RAP1GDS1: variants seen among roughly 807,000 people sequenced by gnomAD.
RAP1GDS1 encodes the protein RAP1, GTP-GDP dissociation stimulator 1.
RAP1GDS1 carries 35 observed loss-of-function variants against 71.1 expected under a neutral mutation model. The observed-to-expected ratio is 0.49, with a 90% CI of 0.38 to 0.65. The LOEUF (loss-of-function observed/expected upper bound fraction) is 0.65. Ranked by LOEUF, RAP1GDS1 falls within the 30% of genes least tolerant of loss-of-function variation. The probability of loss-of-function intolerance (pLI) is 0.00; values close to 1 mark genes in which losing one functional copy is unlikely to be tolerated. For synonymous variants in RAP1GDS1, 229 were observed against 243.1 expected, an observed-to-expected ratio of 0.94 and a Z score of 0.54; for missense variants, 663 against 706.1, an observed-to-expected ratio of 0.94 and a Z score of 0.69.
chr4:98,400,254 T>G (rs1745180144), intron 6 of RAP1GDS1, among the ~76,000 whole-genome samples: 1 of 151,950 alleles, frequency 6.6e-6, no homozygotes, highest in African/African-American at 2.4e-5. Context: ...GAAGAAACAT[T>G]ACACACCCAT....
At chr4:98,437,204 T>C in intron 14 of RAP1GDS1, 136 bp downstream of exon 14, 2 of 886,456 alleles carry the variant, frequency 2.3e-6, no homozygotes, top group Non-Finnish European at 1.6e-6. Context: ...AGATAACTTT[T>C]TTCCCCTATT....
intron 4 of RAP1GDS1, among the ~76,000 whole-genome samples, chr4:98,356,029 T>C (rs1260667311): frequency 6.6e-6 from 1 of 152,188 alleles, no homozygotes; most frequent in Non-Finnish European, 1.5e-5. Context: ...CCGAACAGAC[T>C]TCTGATATAA....
At chr4:98,288,390 C>T (rs1005577075) in intron 1 of RAP1GDS1, among the ~76,000 whole-genome samples, 20 of 152,252 alleles carry the variant, frequency 1.3e-4, no homozygotes, top group Non-Finnish European at 2.9e-5. Context: ...CATAGTATTC[C>T]ATGGTGTATA....
rs191130290 is a variant in RAP1GDS1, at chr4:98,440,739, C to T, written c.1697-1251C>T. Among the ~76,000 whole-genome samples the T allele has an allele frequency of 2.1e-3, 312 of 152,078 alleles. 2 individuals carry two copies. Among genetic ancestry groups the T allele is most frequent in the South Asian group, 0.018 (87 of 4,818 alleles). On this transcript the variant is annotated intron_variant, in intron 14 of 14. Transcript: ENST00000408927. The stretch of plus-strand genomic sequence containing the variant: ...TGTAAGAGTTTTGTTTTTTTTGAGA[C>T]GGAGTTTCGCACTTGTTGCCCAGGC...
intron 12 of RAP1GDS1, among the ~76,000 whole-genome samples, chr4:98,424,185 T>G (rs1749287202): frequency 6.6e-6 from 1 of 152,078 alleles, no homozygotes. Flanking sequence ...AATAAAACAC[T>G]ATAGGAAGAG....
At position 98,404,497 on chromosome 4, in the gene RAP1GDS1, G is replaced by A. The variant is rs1745853664; in HGVS notation, c.658G>A (p.Ala220Thr). The change falls in exon 7 of 15, where the codon GCC becomes ACC. Residue 220 changes from alanine to threonine, a missense_variant. By Grantham distance (58) the Ala-to-Thr change is moderately conservative. Transcript: ENST00000408927. ...TACAGAGTCAAGTAAAGAACAGTTT[G>A]CCAGTACAAACATTGCTGAAGAGCT... ...AELESSKEQFASTNIAEELVK... is the reference protein window; with the variant it reads ...AELESSKEQFTSTNIAEELVK... The A allele has an allele frequency of 4.4e-6, 7 of 1,602,658 alleles. No individual in the cohort carries two copies. The highest frequency in any genetic ancestry group is 1.1e-5 in the South Asian group (1 of 88,224).
In RAP1GDS1 at chr4:98,416,758, A is replaced by G. The variant is rs1371509086; in HGVS notation, c.777A>G (p.Leu259=). ...APLAENDAIK[L]QLVEAGLVEC... ...GTTGTTCTTTAGATGCTATTAAACT[A>G]CAGCTGGTTGAAGCAGGCCTAGTAG... Residue 259 remains leucine, a synonymous_variant, in exon 8 of 15, where the codon CTA becomes CTG. Coordinates refer to ENST00000408927, the MANE Select transcript of RAP1GDS1 (RefSeq NM_001100427.2). The G allele has an allele frequency of 6.2e-7, 1 of 1,603,940 alleles. No individual in the cohort carries two copies.
chr4:98,416,334 GTTTTTTTTTTTTTTTT>G (rs70955932), intron 7 of RAP1GDS1, among the ~76,000 whole-genome samples: 1 of 51,554 alleles, frequency 1.9e-5, no homozygotes, highest in African/African-American at 8.7e-5. Context: ...CATTTTCTTA[GTTTTTTTTTTTTTTTT>G]TTTTTTTTTT....
At chr4:98,388,141 A>G (rs1743041667) in intron 5 of RAP1GDS1, among the ~76,000 whole-genome samples, 2 of 152,278 alleles carry the variant, frequency 1.3e-5, no homozygotes, top group Admixed American at 1.3e-4. Context: ...TAATCTTTTC[A>G]AAAAACAGCA....
intron 1 of RAP1GDS1, among the ~76,000 whole-genome samples, chr4:98,281,535 A>G (rs1435269968): frequency 6.6e-6 from 1 of 152,060 alleles, no homozygotes; most frequent in Admixed American, 6.6e-5. Context: ...TTCTAAATAT[A>G]CAATCATGTC....
intron 4 of RAP1GDS1, among the ~76,000 whole-genome samples, chr4:98,363,496 A>G (rs933579983): frequency 6.6e-6 from 1 of 150,994 alleles, no homozygotes; most frequent in African/African-American, 2.4e-5. Context: ...AAAAAAAAAA[A>G]AAAAAAAAAG....
intron 3 of RAP1GDS1, among the ~76,000 whole-genome samples, chr4:98,346,013 C>T (rs1208972832): frequency 6.6e-6 from 1 of 152,174 alleles, no homozygotes; most frequent in African/African-American, 2.4e-5. Context: ...GCAACAGACT[C>T]ACCCGGGAAC....
intron 5 of RAP1GDS1, among the ~76,000 whole-genome samples, chr4:98,388,964 A>G (rs1743189075): frequency 6.6e-6 from 1 of 151,910 alleles, no homozygotes; most frequent in East Asian, 1.9e-4. Flanking sequence ...CATTTTTATG[A>G]AAAATATTTT....
intron 7 of RAP1GDS1, among the ~76,000 whole-genome samples, chr4:98,406,093 A>G (rs1746073475): frequency 6.6e-6 from 1 of 152,068 alleles, no homozygotes; most frequent in African/African-American, 2.4e-5. Context: ...AATGGAAGCG[A>G]CTTATGGAAA....
chr4:98,335,828 T>G (rs1734644306), intron 2 of RAP1GDS1, among the ~76,000 whole-genome samples: 1 of 151,562 alleles, frequency 6.6e-6, no homozygotes, highest in African/African-American at 2.4e-5. Context: ...CTTTCTGTTG[T>G]TTTATTTTCC....
chr4:98,401,313 A>G (rs570925964), intron 6 of RAP1GDS1, among the ~76,000 whole-genome samples: 33 of 152,332 alleles, frequency 2.2e-4, no homozygotes, highest in South Asian at 1.4e-3. Context: ...TCCAGGAAAA[A>G]TGAATTAGTG....
chr4:98,298,671 G>C (rs966642591), intron 2 of RAP1GDS1, among the ~76,000 whole-genome samples: 1 of 152,128 alleles, frequency 6.6e-6, no homozygotes, highest in African/African-American at 2.4e-5. Flanking sequence ...AATGCACCTG[G>C]TCACCCAAGA....
At chr4:98,382,125 CA>C (rs1284146221) in intron 5 of RAP1GDS1, among the ~76,000 whole-genome samples, 1 of 151,470 alleles carries the variant, frequency 6.6e-6, no homozygotes, top group African/African-American at 2.4e-5. Flanking sequence ...TTATCAGTTT[CA>C]AAAGTTTTAA....
chr4:98,368,875 TAC>T lies in RAP1GDS1; in HGVS notation c.362-10140_362-10139del, dbSNP rs371033582. Among the ~76,000 whole-genome samples, 171 of 152,324 alleles carry T rather than the reference TAC, an allele frequency of 1.1e-3. 5 individuals are homozygous for T. The South Asian group carries it at 0.034, about 30-fold the overall frequency. ...TGAAGTCCTCTTATTCACTCAGGAATACATTCATTCTTTTAAGAATTTTTCAT... is the reference window on the plus strand; with the variant it reads ...TGAAGTCCTCTTATTCACTCAGGAATATTCATTCTTTTAAGAATTTTTCAT... On this transcript the variant is annotated intron_variant, in intron 4 of 14. Transcript: ENST00000408927.
Sources: gnomAD v4.1 joint callset for allele counts (sites outside exome capture counted in the v4.1 genomes callset) on GRCh38, gnomAD v4.1.1 for gene constraint, MANE v1.5 for transcripts, NCBI Gene and HGNC (gene_info 2026-07-23, HGNC 2026-07-21) for gene names.